The following DMXL1 variants were observed in gnomAD, a reference collection of about 807,000 sequenced individuals.
DMXL1 encodes Dmx like 1, also known as dmX-like protein 1.
DMXL1 carries 99 observed loss-of-function variants against 319.2 expected under a neutral mutation model. The observed-to-expected ratio is 0.31, with a 90% CI of 0.26 to 0.37. DMXL1 has a LOEUF of 0.37. Ranked by LOEUF, DMXL1 falls within the 10% of genes least tolerant of loss-of-function variation. The probability of loss-of-function intolerance (pLI) is 1.00; values close to 1 mark genes in which losing one functional copy is unlikely to be tolerated. For synonymous variants in DMXL1, 1,385 were observed against 1,235.2 expected, an observed-to-expected ratio of 1.12 and a Z score of -2.54; for missense variants, 3,745 against 3,595.6, an observed-to-expected ratio of 1.04 and a Z score of -1.06.
chr5:119,221,481 A>G (rs2150583990), intron 37 of DMXL1, among the ~76,000 whole-genome samples: 1 of 152,320 alleles, frequency 6.6e-6, no homozygotes, highest in East Asian at 1.9e-4. Flanking sequence ...AAAAACAAAC[A>G]TAGTATTTTT....
intron 35 of DMXL1, among the ~76,000 whole-genome samples, chr5:119,219,325 T>C (rs1561902068): frequency 2.0e-5 from 3 of 152,134 alleles, no homozygotes; most frequent in Admixed American, 6.5e-5. Flanking sequence ...ATCCTGGCAA[T>C]TATACTGCAG....
intron 9 of DMXL1, among the ~76,000 whole-genome samples, chr5:119,123,149 G>A (rs966982484): frequency 6.6e-6 from 1 of 152,022 alleles, no homozygotes; most frequent in African/African-American, 2.4e-5. Flanking sequence ...AAAAAAATAC[G>A]AAAACCAGTC....
intron 19 of DMXL1, among the ~76,000 whole-genome samples, chr5:119,154,448 G>A (rs1770554675): frequency 6.6e-6 from 1 of 152,222 alleles, no homozygotes; most frequent in Non-Finnish European, 1.5e-5. Flanking sequence ...GAGTGGTCTA[G>A]ATGGATCGAA....
chr5:119,216,911 A>C lies in DMXL1; in HGVS notation c.7937A>C (p.Asp2646Ala). 2 of 1,592,444 alleles carry C rather than the reference A, an allele frequency of 1.3e-6. No homozygotes were observed. The highest frequency in any genetic ancestry group is 1.7e-6 in the Non-Finnish European group (2 of 1,167,738). ...TTTCCTTTTATTTAGATAGAAGCAG[A>C]TTTGGGATATCCTGGAGGTAAAGCA... ...EEPNINKIEA[D>A]LGYPGGKARI... The change falls in exon 35 of 44, where the codon GAT (aspartate) becomes GCT (alanine). Residue 2646 changes from aspartate (D) to alanine (A), a missense_variant. By Grantham distance (126) the Asp-to-Ala change is moderately radical. Around this residue, in one of 4 missense-constraint regions of DMXL1, gnomAD observed 1,382 missense variants for 1,269.5 expected, o/e 1.09. Coordinates refer to ENST00000539542, the MANE Select transcript of DMXL1 (RefSeq NM_001290321.3).
Position 119,170,974 on chromosome 5 carries a change from C to G in DMXL1, c.6183C>G (p.His2061Gln), listed in dbSNP as rs1197031312. 6.2e-7 allele frequency: 1 copy of G among 1,613,728 alleles called. No homozygotes were observed. The highest frequency in any genetic ancestry group is 8.5e-7 in the Non-Finnish European group (1 of 1,179,894). ...GAAAATTGCGTTACCAACTATACCA[C>G]TGGCTTGAAAAAGAGGTGATAGCTC... Reference protein sequence around the residue: ...DGGKLRYQLYHWLEKEVIALQ... With the variant: ...DGGKLRYQLYQWLEKEVIALQ... Residue 2061 changes from histidine (H) to glutamine (Q), a missense_variant, in exon 24 of 44, where the codon CAC (histidine) becomes CAG (glutamine). Around this residue, in one of 4 missense-constraint regions of DMXL1, gnomAD observed 1,382 missense variants for 1,269.5 expected, o/e 1.09. Coordinates refer to ENST00000539542, the MANE Select transcript of DMXL1 (RefSeq NM_001290321.3).
intron 3 of DMXL1, among the ~76,000 whole-genome samples, chr5:119,102,373 G>C (rs565776700): frequency 2.6e-5 from 4 of 152,200 alleles, no homozygotes; most frequent in African/African-American, 7.2e-5. Flanking sequence ...CAGGTTTTCT[G>C]CCTCTTCAGG....
At position 119,133,263 on chromosome 5, in the gene DMXL1, C is replaced by G. The variant is rs1561676166; in HGVS notation, c.1447C>G (p.Leu483Val). The G allele has an allele frequency of 1.9e-6, 3 of 1,614,140 alleles. No homozygotes were observed. The highest frequency in any genetic ancestry group is 2.5e-6 in the Non-Finnish European group (3 of 1,180,022). ...AAIDHQIEVL[L>V]SEWSKNADML... ...CATTGATCATCAGATTGAAGTACTT[C>G]TGTCTGAATGGAGTAAAAATGCAGA... Residue 483 changes from leucine (L) to valine (V), a missense_variant, in exon 11 of 44, where the codon CTG becomes GTG. By Grantham distance (32) the Leu-to-Val change is conservative (BLOSUM62 1). Transcript: ENST00000539542.
rs529052340 is a variant in DMXL1, at chr5:119,112,851, G to C, written c.498-1624G>C. On this transcript the variant is annotated intron_variant, in intron 5 of 43. Coordinates refer to ENST00000539542, the MANE Select transcript of DMXL1 (RefSeq NM_001290321.3). Reference sequence around the variant, plus strand: ...GCATGCCTGTAATCCCAGCTACTTGGGAGGCTGAGGCATGAGAATAGCTTG... The same window carrying C: ...GCATGCCTGTAATCCCAGCTACTTGCGAGGCTGAGGCATGAGAATAGCTTG... 2.8e-3 allele frequency among the ~76,000 whole-genome samples: 431 copies of C among 152,172 alleles called. 1 individual carries two copies. The highest frequency in any genetic ancestry group is 1.0e-2 in the African/African-American group (415 of 41,536).
intron 1 of DMXL1, among the ~76,000 whole-genome samples, chr5:119,087,967 A>C (rs1277141085): frequency 1.3e-5 from 2 of 151,718 alleles, no homozygotes; most frequent in African/African-American, 4.8e-5. Flanking sequence ...ATGCCTGGCT[A>C]ATTTTTGTAT....
intron 32 of DMXL1, among the ~76,000 whole-genome samples, chr5:119,198,502 C>A (rs1005290208): frequency 6.6e-5 from 10 of 152,168 alleles, no homozygotes; most frequent in African/African-American, 2.4e-4. Flanking sequence ...TAGAACGATG[C>A]TTTTCAAAAT....
rs760252585 is a variant in DMXL1, at chr5:119,110,193, C to G, written c.407C>G (p.Ser136Cys). Residue 136 changes from serine (S) to cysteine (C), a missense_variant, in exon 5 of 44, where the codon TCC (serine) becomes TGC (cysteine). Physicochemically the swap from Ser to Cys is moderately radical, Grantham distance 112. Around this residue, in one of 4 missense-constraint regions of DMXL1, gnomAD observed 2,096 missense variants for 1,985.4 expected, o/e 1.06. Transcript: ENST00000539542. ...LTGSSYLQLW[S>C]NTNLEKPTED... ...GGTTCCAGCTATTTGCAACTCTGGTCCAATACTAACTTGGAGAAGCCAACT... is the reference window on the plus strand; with the variant it reads ...GGTTCCAGCTATTTGCAACTCTGGTGCAATACTAACTTGGAGAAGCCAACT... The G allele has an allele frequency of 7.5e-6, 12 of 1,592,742 alleles. No individual in the cohort carries two copies. Among genetic ancestry groups the G allele is most frequent in the Non-Finnish European group, 9.4e-6 (11 of 1,173,892 alleles).
At chr5:119,159,186 G>A (rs1418748466) in intron 19 of DMXL1, among the ~76,000 whole-genome samples, 2 of 151,998 alleles carry the variant, frequency 1.3e-5, no homozygotes, top group African/African-American at 2.4e-5. Context: ...ACGCTGGAGT[G>A]CAGTGGTGCA....
intron 13 of DMXL1, among the ~76,000 whole-genome samples, chr5:119,140,772 C>T (rs1295983093): frequency 6.6e-6 from 1 of 152,086 alleles, no homozygotes; most frequent in Non-Finnish European, 1.5e-5. Flanking sequence ...CAGCATTATC[C>T]TGATACCAAA....
At chr5:119,092,225 G>C (rs1754959317) in intron 1 of DMXL1, among the ~76,000 whole-genome samples, 1 of 151,692 alleles carries the variant, frequency 6.6e-6, no homozygotes, top group Non-Finnish European at 1.5e-5. Flanking sequence ...GGTTATTTCT[G>C]GTGATACTTT....
chr5:119,122,321 C>T (rs1332534839), intron 9 of DMXL1, among the ~76,000 whole-genome samples: 23 of 148,738 alleles, frequency 1.5e-4, no homozygotes, highest in Admixed American at 1.5e-3. Context: ...GGCTGACCCC[C>T]CCACCTCCCT....
intron 4 of DMXL1, 57 bp downstream of exon 4, chr5:119,105,315 T>C: frequency 1.5e-6 from 2 of 1,350,966 alleles, no homozygotes; most frequent in Non-Finnish European, 2.1e-6. Flanking sequence ...GTTGTTCTTA[T>C]TTTTATTACT....
intron 29 of DMXL1, among the ~76,000 whole-genome samples, chr5:119,192,694 TTTCTC>T (rs1778911505): frequency 6.6e-6 from 1 of 152,196 alleles, no homozygotes; most frequent in Admixed American, 6.5e-5. Flanking sequence ...TTTCTCTCCT[TTTCTC>T]TTGATGACAA....
chr5:119,089,856 C>T (rs1401285243), intron 1 of DMXL1, among the ~76,000 whole-genome samples: 1 of 151,560 alleles, frequency 6.6e-6, no homozygotes, highest in Non-Finnish European at 1.5e-5. Context: ...GAACTCCACA[C>T]CTCAGGTGAT....
At chr5:119,092,863 A>G (rs1755097032) in intron 1 of DMXL1, among the ~76,000 whole-genome samples, 2 of 152,234 alleles carry the variant, frequency 1.3e-5, no homozygotes, top group South Asian at 4.1e-4. Context: ...ATTCCATTGT[A>G]TGGATATATA....
Sources: gnomAD v4.1 joint callset for allele counts (sites outside exome capture counted in the v4.1 genomes callset) on GRCh38, gnomAD v4.1.1 for gene constraint, gnomAD v4.1.1 regional missense constraint, MANE v1.5 for transcripts, NCBI Gene and HGNC (gene_info 2026-07-23, HGNC 2026-07-21) for gene names.